The following ROBO2 variants were observed in gnomAD, a reference collection of about 807,000 sequenced individuals.
The protein encoded by ROBO2 is roundabout homolog 2.
Under a neutral mutation model 160.8 loss-of-function variants are expected in ROBO2, and 53 were observed. That is an observed-to-expected ratio of 0.33 (90% confidence interval 0.26 to 0.41). ROBO2 has a LOEUF of 0.41. Among genes scored for constraint, ROBO2 ranks in the 10% least tolerant of loss-of-function variants. The probability of loss-of-function intolerance (pLI) is 1.00; values close to 1 mark genes in which losing one functional copy is unlikely to be tolerated. For synonymous variants in ROBO2, 664 were observed against 611.7 expected, an observed-to-expected ratio of 1.09 and a Z score of -1.26; for missense variants, 1,577 against 1,722.4, an observed-to-expected ratio of 0.92 and a Z score of 1.49.
chr3:76,404,425 A>G (rs2078014932), intron 2 of ROBO2, among the ~76,000 whole-genome samples: 1 of 151,586 alleles, frequency 6.6e-6, no homozygotes, highest in South Asian at 2.1e-4. Flanking sequence ...AGTAGAGAAA[A>G]TAAAATGATT....
chr3:76,853,231 A>C (rs932620042), intron 2 of ROBO2, among the ~76,000 whole-genome samples: 6 of 152,116 alleles, frequency 3.9e-5, no homozygotes, highest in African/African-American at 1.4e-4. Flanking sequence ...AGTAATGATA[A>C]AAATGCGCCA....
chr3:77,527,292 T>A lies in ROBO2; in HGVS notation c.934+4390T>A. ...CTTGAATTGTGAGACTAGAAATCAC[T>A]CTATTGTCCATACTTAAATGTAACA... On this transcript the variant is annotated intron_variant, in intron 6 of 25. Coordinates refer to ENST00000461745, the Ensembl canonical transcript of ROBO2. 3 of 692,664 alleles carry A rather than the reference T, an allele frequency of 4.3e-6. No homozygotes were observed. The South Asian group carries it at 5.2e-5, about 12-fold the overall frequency. The allele number at this position is 692,664 out of a possible 1,614,324, so 42.9% of individuals were successfully genotyped here. A position where few individuals can be genotyped will look rare whatever the true frequency, so the allele number is the denominator to read the frequency against.
intron 14 of ROBO2, among the ~76,000 whole-genome samples, chr3:77,576,039 G>C (rs1452335022): frequency 6.6e-6 from 1 of 152,006 alleles, no homozygotes; most frequent in Non-Finnish European, 1.5e-5. Context: ...TGGAATAATT[G>C]ACCTGTCAGG....
rs145331276 is a variant in ROBO2, at chr3:77,519,903, T to A, written c.807-2872T>A. Among the ~76,000 whole-genome samples the A allele has an allele frequency of 3.4e-3, 518 of 151,646 alleles. 6 individuals are homozygous for A. The highest frequency in any genetic ancestry group is 0.012 in the African/African-American group (497 of 41,474). On this transcript the variant is annotated intron_variant, in intron 5 of 25. Coordinates refer to ENST00000461745, the Ensembl canonical transcript of ROBO2. ...CTAATTTATGTTCTCACCAGCAGTG[T>A]GTAAGCATTCTCTTTTTTCCACAGC...
chr3:76,272,103 A>G (rs1305533308), intron 2 of ROBO2, among the ~76,000 whole-genome samples: 2 of 152,148 alleles, frequency 1.3e-5, no homozygotes, highest in African/African-American at 2.4e-5. Context: ...AAAGTAAGTT[A>G]TTATTGCAAA....
Position 77,389,208 on chromosome 3 carries a change from T to C in ROBO2, c.389-88206T>C, listed in dbSNP as rs181341238. ...ATCCAACCACCTTGGCCTCCCAAAG[T>C]GCTGGGATTACACGTGTGAGCCACC... On this transcript the variant is annotated intron_variant, in intron 2 of 25. Coordinates refer to ENST00000461745, the Ensembl canonical transcript of ROBO2. 3.8e-3 allele frequency among the ~76,000 whole-genome samples: 573 copies of C among 152,332 alleles called. 3 individuals carry two copies. Among genetic ancestry groups the C allele is most frequent in the Middle Eastern group, 0.017 (5 of 294 alleles).
chr3:76,422,543 G>A lies in ROBO2; in HGVS notation c.109+484941G>A, dbSNP rs17014152. ...TGTATTAACCTCTCAGGTCACTGGG[G>A]CGCCATTTAGTAAATTGCATCGTCT... On this transcript the variant is annotated intron_variant, in intron 2 of 26. Coordinates refer to the ROBO2 transcript ENST00000487694. Among the ~76,000 whole-genome samples, 922 of 152,232 alleles carry A rather than the reference G, an allele frequency of 6.1e-3. 8 individuals are homozygous for A. Among genetic ancestry groups the A allele is most frequent in the African/African-American group, 0.02 (846 of 41,530 alleles).
At chr3:76,898,137 G>A (rs961371448) in intron 2 of ROBO2, among the ~76,000 whole-genome samples, 1 of 151,990 alleles carries the variant, frequency 6.6e-6, no homozygotes, top group Non-Finnish European at 1.5e-5. Flanking sequence ...GATTGCTTTG[G>A]TGCACTTTAT....
chr3:77,154,293 A>G lies in ROBO2; in HGVS notation c.388+55953A>G, dbSNP rs192813811. Among the ~76,000 whole-genome samples the G allele has an allele frequency of 6.1e-3, 924 of 152,212 alleles. 11 individuals are homozygous for G. The highest frequency in any genetic ancestry group is 7.2e-3 in the Non-Finnish European group (489 of 67,974). ...AATCAATAATAAATAGGTACAGAGG[A>G]AAAAAACAGGCAGTGAGGTATGTTT... On this transcript the variant is annotated intron_variant, in intron 2 of 25. Coordinates refer to ENST00000461745, the Ensembl canonical transcript of ROBO2.
intron 2 of ROBO2, among the ~76,000 whole-genome samples, chr3:76,103,261 C>A (rs947860721): frequency 6.6e-6 from 1 of 152,078 alleles, no homozygotes; most frequent in East Asian, 1.9e-4. Context: ...AGAGCACTCG[C>A]CACATTTTAA....
At chr3:77,492,272 AT>A (rs2086219534) in intron 4 of ROBO2, among the ~76,000 whole-genome samples, 1 of 152,148 alleles carries the variant, frequency 6.6e-6, no homozygotes. Flanking sequence ...TTAAATGACA[AT>A]TTTTCCAGTC....
chr3:77,598,070 A>G (rs1168173899), intron 19 of ROBO2, among the ~76,000 whole-genome samples: 3 of 152,166 alleles, frequency 2.0e-5, no homozygotes, highest in Non-Finnish European at 4.4e-5. Context: ...ATCCAAGCAA[A>G]GCTGTATGAA....
intron 24 of ROBO2, among the ~76,000 whole-genome samples, chr3:77,639,034 G>A (rs2095309754): frequency 1.3e-5 from 2 of 151,640 alleles, no homozygotes; most frequent in African/African-American, 4.8e-5. Flanking sequence ...TTCACCATGA[G>A]GGCCAGGCTA....
At chr3:77,282,609 C>A (rs1214841188) in intron 2 of ROBO2, among the ~76,000 whole-genome samples, 5 of 151,910 alleles carry the variant, frequency 3.3e-5, no homozygotes, top group African/African-American at 1.2e-4. Context: ...CAAATCTATC[C>A]ACAACCATTC....
intron 2 of ROBO2, among the ~76,000 whole-genome samples, chr3:77,244,095 G>GT (rs748158456): frequency 6.6e-6 from 1 of 152,258 alleles, no homozygotes; most frequent in South Asian, 2.1e-4. Flanking sequence ...TATAATATAC[G>GT]TAAGTGTTCA....
chr3:76,891,098 T>C (rs2074311034), intron 2 of ROBO2, among the ~76,000 whole-genome samples: 1 of 152,184 alleles, frequency 6.6e-6, no homozygotes, highest in Non-Finnish European at 1.5e-5. Context: ...TTCATTAATA[T>C]ACTTGATGGA....
At chr3:76,199,899 G>A (rs1702440119) in intron 2 of ROBO2, among the ~76,000 whole-genome samples, 1 of 152,106 alleles carries the variant, frequency 6.6e-6, no homozygotes, top group African/African-American at 2.4e-5. Context: ...CCACCTTTGA[G>A]CCTTAGCCAA....
intron 1 of ROBO2, among the ~76,000 whole-genome samples, chr3:77,053,272 A>G (rs779432600): frequency 3.3e-4 from 50 of 152,328 alleles, no homozygotes; most frequent in Non-Finnish European, 5.7e-4. Context: ...ATATTTAGAC[A>G]GTAAATTAAG....
At chr3:76,745,405 T>A (rs1174893281) in intron 2 of ROBO2, among the ~76,000 whole-genome samples, 1 of 152,172 alleles carries the variant, frequency 6.6e-6, no homozygotes, top group Non-Finnish European at 1.5e-5. Context: ...CACATTGCAA[T>A]AAGATGAAAG....
Sources: allele counts gnomAD v4.1 joint callset (sites outside exome capture counted in the v4.1 genomes callset), GRCh38; gene constraint gnomAD v4.1.1; transcripts MANE v1.5; gene names NCBI Gene and HGNC (gene_info 2026-07-23, HGNC 2026-07-21).